The following CC2D1A variants were observed in gnomAD, a reference collection of about 807,000 sequenced individuals.
The protein encoded by CC2D1A is coiled-coil and C2 domain-containing protein 1A.
Under a neutral mutation model 123.8 loss-of-function variants are expected in CC2D1A, and 68 were observed. The observed-to-expected ratio is 0.55, with a 90% CI of 0.45 to 0.67. CC2D1A has a LOEUF of 0.67. Ranked by LOEUF, CC2D1A falls within the 30% of genes least tolerant of loss-of-function variation. CC2D1A has a pLI of 0.00. For missense variants in CC2D1A, 1,185 were observed against 1,290.3 expected, an observed-to-expected ratio of 0.92 and a Z score of 1.25; for synonymous variants, 477 against 528.0, an observed-to-expected ratio of 0.90 and a Z score of 1.32.
At chr19:13,927,665 C>T (rs1172239519) in intron 22 of CC2D1A, 2 of 542,274 alleles carry the variant, frequency 3.7e-6, no homozygotes, top group Non-Finnish European at 6.6e-6. Context: ...GTAGTCCCAG[C>T]TACTCGGGAG....
Position 13,913,448 on chromosome 19 carries a change from T to C in CC2D1A, c.558T>C (p.Ile186=). Residue 186 remains isoleucine (I), a synonymous_variant, in exon 6 of 29, where the codon ATT becomes ATC. Transcript: ENST00000318003. ...LLASIRKGNA[I]DEADIPPPVA... Reference sequence around the variant, plus strand: ...CCTCCATCCGTAAGGGCAATGCCATTGACGAAGCGGACATCCCGCCGCCAG... The same window carrying C: ...CCTCCATCCGTAAGGGCAATGCCATCGACGAAGCGGACATCCCGCCGCCAG... 1.2e-6 allele frequency: 2 copies of C among 1,614,180 alleles called. No homozygotes were observed. Among genetic ancestry groups the C allele is most frequent in the South Asian group, 2.2e-5 (2 of 91,088 alleles).
In CC2D1A at chr19:13,926,685, T is replaced by A; in HGVS notation, c.2033T>A (p.Leu678Gln). ...PTPPGLSPGDLDVFVRFDFPY... is the reference protein window; with the variant it reads ...PTPPGLSPGDQDVFVRFDFPY... The stretch of plus-strand genomic sequence containing the variant: ...CCCACAGGACTGTCCCCTGGCGATC[T>A]GGATGTCTTTGTTCGGTTTGACTTC... The change falls in exon 19 of 29, where the codon CTG becomes CAG. Residue 678 changes from leucine (L) to glutamine (Q), a missense_variant. Transcript: ENST00000318003. The A allele has an allele frequency of 6.2e-7, 1 of 1,614,172 alleles. No individual in the cohort carries two copies. Among genetic ancestry groups the A allele is most frequent in the Non-Finnish European group, 8.5e-7 (1 of 1,180,034 alleles).
chr19:13,912,266 A>G (rs1971024448), intron 2 of CC2D1A, 57 bp from the exon 3 acceptor site: 9 of 1,516,128 alleles, frequency 5.9e-6, no homozygotes, highest in Non-Finnish European at 8.0e-6. Flanking sequence ...CCAGGATGGG[A>G]AATGGGGGCT....
At chr19:13,916,847 G>C (rs1971225527) in intron 6 of CC2D1A, among the ~76,000 whole-genome samples, 1 of 152,122 alleles carries the variant, frequency 6.6e-6, no homozygotes, top group African/African-American at 2.4e-5. Context: ...TGCAGACACT[G>C]GGTGGTGTCT....
intron 6 of CC2D1A, among the ~76,000 whole-genome samples, chr19:13,915,780 G>A (rs1346970232): frequency 2.6e-5 from 4 of 152,026 alleles, no homozygotes; most frequent in African/African-American, 7.2e-5. Context: ...GCAGTGAGCC[G>A]TGATCGTGCC....
At chr19:13,907,515 A>G (rs1018378876) in intron 1 of CC2D1A, among the ~76,000 whole-genome samples, 2 of 151,988 alleles carry the variant, frequency 1.3e-5, no homozygotes, top group African/African-American at 2.4e-5. Flanking sequence ...TCTACTAAAA[A>G]TACAAAAATT....
chr19:13,920,300 G>T (rs965099841), intron 12 of CC2D1A: 1 of 534,556 alleles, frequency 1.9e-6, no homozygotes, highest in Non-Finnish European at 3.2e-6. Flanking sequence ...TGCTTGAACC[G>T]GGAGGCAGAG....
Position 13,930,114 on chromosome 19 carries a change from A to C in CC2D1A, c.2747A>C (p.Tyr916Ser), listed in dbSNP as rs757868058. 1.2e-6 allele frequency: 2 copies of C among 1,611,718 alleles called. No individual in the cohort carries two copies. The highest frequency in any genetic ancestry group is 1.7e-6 in the Non-Finnish European group (2 of 1,179,338). The stretch of plus-strand genomic sequence containing the variant: ...CAGCTGGAGCGGCAGCTGCAGTTCT[A>C]CACGGAGGCTGCCCGGCGCCTGGGC... The part of the protein sequence containing the change: ...AAQLERQLQF[Y>S]TEAARRLGND... Residue 916 changes from tyrosine to serine, a missense_variant, in exon 27 of 29, where the codon TAC becomes TCC. Coordinates refer to ENST00000318003, the MANE Select transcript of CC2D1A (RefSeq NM_017721.5). The surrounding 1 kb of genome is among the most constrained non-coding windows in gnomAD (Gnocchi z 6.8).
chr19:13,910,521 C>T (rs1400302204), intron 2 of CC2D1A, among the ~76,000 whole-genome samples: 1 of 151,840 alleles, frequency 6.6e-6, no homozygotes, highest in Non-Finnish European at 1.5e-5. Flanking sequence ...GTGCTTTGGC[C>T]TCAGTTTCAC....
Position 13,913,385 on chromosome 19 carries a change from T to C in CC2D1A, c.514-19T>C, listed in dbSNP as rs1313168620. ...AAGCTCTTGGCTTCTCCCAAACCAATACTCACGCCTTATCTTAGACACTGG... is the reference window on the plus strand; with the variant it reads ...AAGCTCTTGGCTTCTCCCAAACCAACACTCACGCCTTATCTTAGACACTGG... On this transcript the variant is annotated intron_variant, in intron 5 of 28. Coordinates refer to ENST00000318003, the MANE Select transcript of CC2D1A (RefSeq NM_017721.5). The C allele has an allele frequency of 6.2e-7, 1 of 1,612,052 alleles. No homozygotes were observed. Among genetic ancestry groups the C allele is most frequent in the Admixed American group, 1.7e-5 (1 of 59,886 alleles).
chr19:13,930,315 T>C lies in CC2D1A; in HGVS notation c.2835+26T>C, dbSNP rs201372404. 4.7e-4 allele frequency: 766 copies of C among 1,613,778 alleles called. No individual in the cohort carries two copies. The highest frequency in any genetic ancestry group is 5.7e-4 in the Non-Finnish European group (670 of 1,179,814). ...GTAAGCAGCTTAGGAGATGGGGTGG[T>C]TGGGGGATCACTGTGGTCGTAGCCC... On this transcript the variant is annotated intron_variant, in intron 28 of 28. Transcript: ENST00000318003. This position sits in a 1 kb window ranked among gnomAD's most constrained non-coding sequence, Gnocchi z 6.8.
At chr19:13,909,604 G>A (rs1184316027) in intron 1 of CC2D1A, 1 of 646,922 alleles carries the variant, frequency 1.5e-6, no homozygotes, top group Non-Finnish European at 2.9e-6. Context: ...AGAGAGCTGG[G>A]TCTCTTGCCC....
intron 14 of CC2D1A, 28 bp downstream of exon 14, chr19:13,920,950 C>T (rs1359510459): frequency 6.3e-7 from 1 of 1,579,442 alleles, no homozygotes; most frequent in Admixed American, 1.8e-5. Context: ...GTGGGAACTG[C>T]CCAGGCACCC....
intron 6 of CC2D1A, among the ~76,000 whole-genome samples, chr19:13,916,442 T>A (rs373851484): frequency 6.6e-6 from 1 of 152,084 alleles, no homozygotes; most frequent in East Asian, 1.9e-4. Flanking sequence ...TGCATGCCTG[T>A]AGTCCCAGCT....
intron 2 of CC2D1A, among the ~76,000 whole-genome samples, chr19:13,911,238 T>C (rs1970985181): frequency 6.6e-6 from 1 of 152,154 alleles, no homozygotes; most frequent in Admixed American, 6.6e-5. Context: ...AAAAAGGTTA[T>C]GACTGGAGAT....
rs866375741 is a variant in CC2D1A, at chr19:13,923,809, C to G, written c.1938C>G (p.Ile646Met). 2.5e-6 allele frequency: 4 copies of G among 1,611,204 alleles called. No individual in the cohort carries two copies. In the Middle Eastern group the frequency reaches 6.6e-4, roughly 266 times the overall value. ...TTGAGCAAAGGACCTTCAGCGTCAT[C>G]AAGTAAGGCTCCTGATCTACGCCCC... ...ARFEQRTFSV[I>M]KIFPDLSSND... is the part of the protein sequence containing the mutation. Residue 646 changes from isoleucine (I) to methionine (M), a missense_variant and splice_region_variant, in exon 17 of 29, where the codon ATC (isoleucine) becomes ATG (methionine). Ile to Met is a conservative substitution (Grantham distance 10, BLOSUM62 1). Transcript: ENST00000318003. The surrounding 1 kb of genome is among the most constrained non-coding windows in gnomAD (Gnocchi z 5.3).
At chr19:13,918,017 G>T in intron 6 of CC2D1A, 53 bp from the exon 7 acceptor site, 9 of 1,587,986 alleles carry the variant, frequency 5.7e-6, no homozygotes, top group Non-Finnish European at 7.7e-6. Context: ...TGGTTTACAC[G>T]GTGAACTTGG....
At chr19:13,927,560 CGAGGT>C in intron 22 of CC2D1A, 1 of 467,836 alleles carries the variant, frequency 2.1e-6, no homozygotes, top group Non-Finnish European at 3.9e-6. Context: ...GGGCAGATCA[CGAGGT>C]CAGGAGATCG....
chr19:13,909,691 G>A, intron 1 of CC2D1A, 132 bp from the exon 2 acceptor site: 1 of 1,196,490 alleles, frequency 8.4e-7, no homozygotes. Context: ...CAGCCTCCTG[G>A]CACTCCCCAG....
Sources: gnomAD v4.1 joint callset for allele counts (sites outside exome capture counted in the v4.1 genomes callset) on GRCh38, gnomAD v4.1.1 for gene constraint, Gnocchi (gnomAD v3.1) non-coding constraint, MANE v1.5 for transcripts, NCBI Gene and HGNC (gene_info 2026-07-23, HGNC 2026-07-21) for gene names.